Variants in SLC22A24 observed in about 807,000 individuals in gnomAD.
The protein encoded by SLC22A24 is solute carrier family 22 member 24, also known as steroid transmembrane transporter SLC22A24.
SLC22A24 carries 53 observed loss-of-function variants against 49.8 expected under a neutral mutation model. That is an observed-to-expected ratio of 1.06 (90% CI 0.85 to 1.34). The LOEUF is 1.34. SLC22A24 is among the 40% of genes most tolerant of loss of function. The pLI is 0.00. For synonymous variants in SLC22A24, 302 were observed against 256.4 expected (o/e 1.18, Z -1.70); for missense variants, 786 against 675.9 (o/e 1.16, Z -1.81).
intron 4 of SLC22A24, among the ~76,000 whole-genome samples, chr11:63,111,409 G>A (rs1590739019): frequency 1.3e-5 from 2 of 151,778 alleles, no homozygotes; most frequent in Admixed American, 1.3e-4. Context: ...GATTGGAATA[G>A]TTTCAGAAGG....
At chr11:63,143,335 C>T in intron 1 of SLC22A24, 43 bp downstream of exon 1, 3 of 1,403,242 alleles carry the variant, frequency 2.1e-6, no homozygotes, top group Non-Finnish European at 2.8e-6. Flanking sequence ...TAACTCCAAA[C>T]ACTTTAATCA....
intron 7 of SLC22A24, among the ~76,000 whole-genome samples, chr11:63,081,887 A>G (rs1437860973): frequency 1.3e-5 from 2 of 152,118 alleles, no homozygotes; most frequent in African/African-American, 4.8e-5. Context: ...TCAATCTTCA[A>G]CTCTTTCTGC....
chr11:63,118,649 C>A (rs530629006), intron 4 of SLC22A24: 35 of 546,982 alleles, frequency 6.4e-5, no homozygotes, highest in African/African-American at 5.1e-4. Context: ...ACATTTGCTT[C>A]AAAAATAAGT....
chr11:63,107,063 G>T (rs939285641), intron 4 of SLC22A24, among the ~76,000 whole-genome samples: 1 of 152,128 alleles, frequency 6.6e-6, no homozygotes, highest in Non-Finnish European at 1.5e-5. Context: ...TATGGTTTTA[G>T]ATCTAACATT....
intron 4 of SLC22A24, among the ~76,000 whole-genome samples, chr11:63,114,319 T>A (rs776015351): frequency 2.6e-5 from 4 of 152,206 alleles, no homozygotes; most frequent in Non-Finnish European, 4.4e-5. Context: ...TAATTTGATC[T>A]TCAATCACTG....
At chr11:63,087,056 A>AGG (rs2086991637) in intron 6 of SLC22A24, among the ~76,000 whole-genome samples, 2 of 100,440 alleles carry the variant, frequency 2.0e-5, no homozygotes, top group African/African-American at 6.6e-5. Flanking sequence ...ACACACACAC[A>AGG]CAGAGGGAGA....
At chr11:63,086,112 G>A (rs181330437) in intron 6 of SLC22A24, among the ~76,000 whole-genome samples, 88 of 152,314 alleles carry the variant, frequency 5.8e-4, no homozygotes, top group East Asian at 1.7e-3. Flanking sequence ...TCAGCCATTC[G>A]TGGAAAGCAG....
At chr11:63,118,648 T>C (rs2087228449) in intron 4 of SLC22A24, 1 of 549,930 alleles carries the variant, frequency 1.8e-6, no homozygotes, top group Non-Finnish European at 3.2e-6. Flanking sequence ...TACATTTGCT[T>C]CAAAAATAAG....
intron 2 of SLC22A24, among the ~76,000 whole-genome samples, chr11:63,130,229 A>T (rs1453819382): frequency 6.6e-6 from 1 of 152,190 alleles, no homozygotes; most frequent in East Asian, 1.9e-4. Context: ...ATCTATTGAG[A>T]TAATCATGTG....
chr11:63,129,520 AT>A (rs1404274033), intron 2 of SLC22A24, among the ~76,000 whole-genome samples: 3 of 152,296 alleles, frequency 2.0e-5, no homozygotes, highest in East Asian at 3.9e-4. Flanking sequence ...GAAGAAAGAC[AT>A]TGGTAGCTAG....
chr11:63,134,817 T>C, intron 1 of SLC22A24, 49 bp from the exon 2 acceptor site: 1 of 1,335,628 alleles, frequency 7.5e-7, no homozygotes, highest in Non-Finnish European at 1.1e-6. Flanking sequence ...GAGTTTCAAC[T>C]CTTTAGTAGA....
intron 5 of SLC22A24, among the ~76,000 whole-genome samples, chr11:63,100,294 AAATT>A (rs2087082770): frequency 6.6e-6 from 1 of 152,204 alleles, no homozygotes; most frequent in South Asian, 2.1e-4. Context: ...TCTGAAAAAT[AAATT>A]AATAAAGTAA....
At chr11:63,113,812 C>A (rs1392489367) in intron 4 of SLC22A24, among the ~76,000 whole-genome samples, 2 of 150,392 alleles carry the variant, frequency 1.3e-5, no homozygotes, top group Non-Finnish European at 3.0e-5. Context: ...CAAAATTGTG[C>A]CACTACACTC....
At chr11:63,117,000 C>T (rs1375599071) in intron 4 of SLC22A24, among the ~76,000 whole-genome samples, 1 of 151,934 alleles carries the variant, frequency 6.6e-6, no homozygotes, top group African/African-American at 2.4e-5. Flanking sequence ...CTTATTTAGA[C>T]ATGGTTTTCT....
chr11:63,120,058 C>T (rs1312834529), intron 2 of SLC22A24, among the ~76,000 whole-genome samples: 4 of 151,052 alleles, frequency 2.6e-5, no homozygotes, highest in East Asian at 1.9e-4. Flanking sequence ...AAATTTTCTC[C>T]GATTTTGTAG....
Position 63,083,469 on chromosome 11 carries a change from A to G in SLC22A24, c.1071-12T>C. ...CAGTGATTGCGAATCTGAAGTGAATAAAAAGGACAAAGACATATTCAATAA... is the reference window on the plus strand; with the variant it reads ...CAGTGATTGCGAATCTGAAGTGAATGAAAAGGACAAAGACATATTCAATAA... On this transcript the variant is annotated splice_polypyrimidine_tract_variant and intron_variant, in intron 6 of 9. Coordinates refer to ENST00000612278, the MANE Select transcript of SLC22A24 (RefSeq NM_001136506.2). 5 of 1,539,850 alleles carry G rather than the reference A, an allele frequency of 3.2e-6. No homozygotes were observed. Among genetic ancestry groups the G allele is most frequent in the Non-Finnish European group, 4.4e-6 (5 of 1,136,738 alleles).
chr11:63,096,269 G>A (rs1324457584), intron 5 of SLC22A24, among the ~76,000 whole-genome samples, 163 bp from the exon 6 acceptor site: 1 of 152,150 alleles, frequency 6.6e-6, no homozygotes, highest in African/African-American at 2.4e-5. Flanking sequence ...CATGTGTGAA[G>A]TGTTACAAAA....
At chr11:63,139,035 G>A (rs2087396143) in intron 1 of SLC22A24, among the ~76,000 whole-genome samples, 1 of 152,202 alleles carries the variant, frequency 6.6e-6, no homozygotes, top group Non-Finnish European at 1.5e-5. Context: ...TTTTAAAAGA[G>A]CACTGTGGTT....
chr11:63,139,629 T>G (rs2105624), intron 1 of SLC22A24, among the ~76,000 whole-genome samples: 151,648 of 152,266 alleles, frequency 1, 75,520 homozygotes, highest in Middle Eastern at 1. Flanking sequence ...GGGCTGATTG[T>G]CTGGGTTGCC....
Sources: allele counts gnomAD v4.1 joint callset (sites outside exome capture counted in the v4.1 genomes callset), GRCh38; gene constraint gnomAD v4.1.1; transcripts MANE v1.5; gene names NCBI Gene and HGNC (gene_info 2026-07-23, HGNC 2026-07-21).